ALOX5AP: variants seen among roughly 807,000 people sequenced by gnomAD.
ALOX5AP encodes arachidonate 5-lipoxygenase-activating protein.
ALOX5AP carries 9 observed loss-of-function variants against 18.5 expected under a neutral mutation model. The observed-to-expected ratio is 0.49, with a 90% confidence interval of 0.29 to 0.85. ALOX5AP has a LOEUF of 0.85. Ranked by LOEUF, ALOX5AP falls within the 40% of genes least tolerant of loss-of-function variation. The probability of loss-of-function intolerance (pLI) is 0.08; values close to 1 mark genes in which losing one functional copy is unlikely to be tolerated. For missense variants in ALOX5AP, 172 were observed against 202.5 expected, an observed-to-expected ratio of 0.85 and a Z score of 0.91; for synonymous variants, 81 against 78.6, an observed-to-expected ratio of 1.03 and a Z score of -0.16.
intron 1 of ALOX5AP, among the ~76,000 whole-genome samples, chr13:30,730,352 T>A (rs1055583927): frequency 6.6e-6 from 1 of 152,266 alleles, no homozygotes; most frequent in Non-Finnish European, 1.5e-5. Context: ...GTTGATTTGG[T>A]TCTCACAGAC....
intron 1 of ALOX5AP, among the ~76,000 whole-genome samples, chr13:30,743,670 G>A (rs1372205132): frequency 1.3e-5 from 2 of 151,902 alleles, no homozygotes; most frequent in Admixed American, 6.5e-5. Flanking sequence ...TATCTTAGAT[G>A]TCATTCCCTC....
intron 1 of ALOX5AP, among the ~76,000 whole-genome samples, chr13:30,728,452 T>C (rs184865682): frequency 4.5e-4 from 66 of 148,244 alleles, no homozygotes; most frequent in African/African-American, 1.6e-3. Flanking sequence ...CCCTTAAAAA[T>C]GTCTGTGTAT....
At chr13:30,756,813 C>CAAAA (rs60551684) in intron 4 of ALOX5AP, among the ~76,000 whole-genome samples, 2 of 59,284 alleles carry the variant, frequency 3.4e-5, no homozygotes, top group African/African-American at 7.9e-5. Flanking sequence ...AACTCCATCT[C>CAAAA]AAAAAAAAAA....
chr13:30,731,269 C>T (rs901158270), upstream of ALOX5AP, among the ~76,000 whole-genome samples: 12 of 152,144 alleles, frequency 7.9e-5, no homozygotes, highest in Admixed American at 4.6e-4. Flanking sequence ...AAGACGATTC[C>T]GGTAGCAGCA....
At chr13:30,727,051 T>C (rs1298152299) in intron 1 of ALOX5AP, among the ~76,000 whole-genome samples, 1 of 97,712 alleles carries the variant, frequency 1.0e-5, no homozygotes, top group African/African-American at 4.0e-5. Flanking sequence ...GGCAGAAGCA[T>C]GATTTTGCCT....
upstream of ALOX5AP, among the ~76,000 whole-genome samples, chr13:30,734,318 C>T (rs1208226605): frequency 1.3e-5 from 2 of 152,118 alleles, no homozygotes; most frequent in African/African-American, 4.8e-5. Context: ...TTGAAGCGGG[C>T]CTCTGGCACT....
intron 1 of ALOX5AP, among the ~76,000 whole-genome samples, chr13:30,716,955 T>C (rs1951555374): frequency 6.6e-6 from 1 of 152,224 alleles, no homozygotes; most frequent in Non-Finnish European, 1.5e-5. Flanking sequence ...CTCCTGGCAT[T>C]GATGTGTGAC....
intron 2 of ALOX5AP, among the ~76,000 whole-genome samples, chr13:30,751,287 C>T (rs961681974): frequency 2.0e-5 from 3 of 152,188 alleles, no homozygotes; most frequent in African/African-American, 7.2e-5. Flanking sequence ...TGGTCTTGAA[C>T]TCCTGACCTT....
rs1396211095 is a variant in ALOX5AP at position 30,751,801 on chromosome 13, A to G, written c.171-251A>G. Among the ~76,000 whole-genome samples the G allele has an allele frequency of 2.6e-5, 4 of 152,232 alleles. No homozygotes were observed. In the East Asian group the frequency reaches 7.7e-4, roughly 29 times the overall value. Reference sequence around the variant, plus strand: ...GCCAGAGGAATACATCAAGAAACCAAGTCTCCCTTACGCATCACCGTAGGA... The same window carrying G: ...GCCAGAGGAATACATCAAGAAACCAGGTCTCCCTTACGCATCACCGTAGGA... On this transcript the variant is annotated intron_variant, in intron 2 of 4. Coordinates refer to ENST00000380490, the MANE Select transcript of ALOX5AP (RefSeq NM_001629.4).
chr13:30,713,517 TC>T (rs1301277250), exon 1 of ALOX5AP: 9 of 552,920 alleles, frequency 1.6e-5, no homozygotes, highest in Non-Finnish European at 2.6e-5. Flanking sequence ...GGGTCACAGC[TC>T]TGGCAAAGAT....
intron 1 of ALOX5AP, among the ~76,000 whole-genome samples, chr13:30,736,460 C>T (rs1249996815): frequency 6.6e-6 from 1 of 152,202 alleles, no homozygotes; most frequent in Non-Finnish European, 1.5e-5. Flanking sequence ...AGACCACTTT[C>T]ATAACTATCT....
At chr13:30,732,687 C>A (rs1951690701), upstream of ALOX5AP, among the ~76,000 whole-genome samples, 1 of 152,126 alleles carries the variant, frequency 6.6e-6, no homozygotes, top group Admixed American at 6.5e-5. Context: ...GTGATGGAAG[C>A]TGTAAAATGT....
At chr13:30,740,435 C>T (rs889697881) in intron 1 of ALOX5AP, among the ~76,000 whole-genome samples, 49 of 152,340 alleles carry the variant, frequency 3.2e-4, no homozygotes, top group African/African-American at 1.1e-3. Flanking sequence ...GGATGCCTCA[C>T]AACGGTTTGC....
chr13:30,758,186 C>T (rs1285240785), intron 4 of ALOX5AP, among the ~76,000 whole-genome samples: 6 of 152,192 alleles, frequency 3.9e-5, no homozygotes, highest in Non-Finnish European at 7.3e-5. Context: ...GACCAAAATA[C>T]GGCCTGATAT....
chr13:30,733,122 G>GCACTCCA (rs1951694689), upstream of ALOX5AP, among the ~76,000 whole-genome samples: 1 of 143,780 alleles, frequency 7.0e-6, no homozygotes, highest in Admixed American at 7.2e-5. Context: ...TCGCGCCACT[G>GCACTCCA]CACTCCAGCC....
chr13:30,763,853 C>T, intron 4 of ALOX5AP, 91 bp from the exon 5 acceptor site: 1 of 1,225,648 alleles, frequency 8.2e-7, no homozygotes, highest in Non-Finnish European at 1.2e-6. Context: ...TAATTTAAAC[C>T]CCATATATCT....
At chr13:30,725,530 C>T (rs1951632966) in intron 1 of ALOX5AP, among the ~76,000 whole-genome samples, 1 of 152,234 alleles carries the variant, frequency 6.6e-6, no homozygotes, top group Non-Finnish European at 1.5e-5. Flanking sequence ...GAGTGCTCAG[C>T]CTGCCAAGAT....
intron 2 of ALOX5AP, among the ~76,000 whole-genome samples, chr13:30,745,180 A>T (rs1951799682): frequency 6.6e-6 from 1 of 152,126 alleles, no homozygotes; most frequent in South Asian, 2.1e-4. Flanking sequence ...GGCCTATATC[A>T]CACTCACTGA....
At chr13:30,725,043 TG>T in intron 1 of ALOX5AP, among the ~76,000 whole-genome samples, 1 of 152,304 alleles carries the variant, frequency 6.6e-6, no homozygotes, top group South Asian at 2.1e-4. Flanking sequence ...ATCTCCACTC[TG>T]GGGTGCCCGT....
Sources: gnomAD v4.1 joint callset for allele counts (sites outside exome capture counted in the v4.1 genomes callset) on GRCh38, gnomAD v4.1.1 for gene constraint, MANE v1.5 for transcripts, NCBI Gene and HGNC (gene_info 2026-07-23, HGNC 2026-07-21) for gene names.